ERI2: variants seen among roughly 807,000 people sequenced by gnomAD.
The protein encoded by ERI2 is ERI1 exoribonuclease family member 2.
A neutral mutation model predicts 46.8 loss-of-function variants in ERI2; 35 were observed. The ratio of observed to expected loss-of-function variants is 0.75; its 90% CI spans 0.57 to 0.99. The LOEUF (loss-of-function observed/expected upper bound fraction) is 0.99. Among genes scored for constraint, ERI2 ranks in the 50% least tolerant of loss-of-function variants. The pLI, the probability that ERI2 is intolerant of heterozygous loss-of-function variation, is 0.00. For synonymous variants in ERI2, 224 were observed against 271.0 expected (o/e 0.83, Z 1.70); for missense variants, 695 against 796.2 (o/e 0.87, Z 1.53).
chr16:20,798,184 G>A lies in ERI2; in HGVS notation c.1616C>T (p.Pro539Leu), dbSNP rs1567369848. Residue 539 changes from proline (P) to leucine (L), a missense_variant, in exon 9 of 9, where the codon CCC (proline) becomes CTC (leucine). Pro to Leu is a moderately conservative substitution (Grantham distance 98, BLOSUM62 -3). Coordinates refer to ENST00000357967, the MANE Select transcript of ERI2 (RefSeq NM_001142725.2). ...SGGTKRNPCSPQAFPPAKKQP... is the reference protein window; with the variant it reads ...SGGTKRNPCSLQAFPPAKKQP... ...TTTTTTTGCTGGTGGGAAAGCTTGG[G>A]GACTGCATGGATTCCTTTTGGTACC... 6.4e-7 allele frequency: 1 copy of A among 1,551,522 alleles called. No homozygotes were observed. Among genetic ancestry groups the A allele is most frequent in the East Asian group, 2.4e-5 (1 of 40,912 alleles).
chr16:20,801,468 C>T (rs905692173), intron 4 of ERI2, 109 bp from the exon 5 acceptor site: 4 of 1,235,404 alleles, frequency 3.2e-6, no homozygotes, highest in Non-Finnish European at 3.3e-6. Flanking sequence ...TCAGAAATGC[C>T]AAGTCATGAA....
downstream of ERI2, chr16:20,796,179 C>G: frequency 1.0e-6 from 1 of 960,034 alleles, no homozygotes; most frequent in African/African-American, 1.7e-5. Context: ...TACAGGGGTC[C>G]CAGAAGCTCT....
chr16:20,789,628 G>C, intron 9 of ERI2: 5 of 1,055,076 alleles, frequency 4.7e-6, no homozygotes, highest in Non-Finnish European at 7.3e-6. Context: ...AAGACCTATT[G>C]CTAAATGATA....
At chr16:20,802,661 CATCAGCCTGCAAAGTGCT>C in intron 4 of ERI2, 117 bp downstream of exon 4, 1 of 1,025,246 alleles carries the variant, frequency 9.8e-7, no homozygotes. Flanking sequence ...AATTCTCGAA[CATCAGCCTGCAAAGTGCT>C]GGGATTACAG....
chr16:20,789,820 C>T (rs1401833563), intron 9 of ERI2, among the ~76,000 whole-genome samples: 1 of 151,378 alleles, frequency 6.6e-6, no homozygotes, highest in Non-Finnish European at 1.5e-5. Context: ...ATTACAGGTG[C>T]CCACCACCAT....
At chr16:20,795,006 TACA>T (rs1201211167), downstream of ERI2, among the ~76,000 whole-genome samples, 2 of 152,228 alleles carry the variant, frequency 1.3e-5, no homozygotes, top group Non-Finnish European at 2.9e-5. Context: ...ATGACTCACT[TACA>T]ACAAGCATAA....
intron 9 of ERI2, chr16:20,789,677 T>A: frequency 5.0e-6 from 3 of 605,174 alleles, no homozygotes; most frequent in South Asian, 2.1e-5. Flanking sequence ...AAAGCAACTC[T>A]ATTTTTCTTT....
downstream of ERI2, chr16:20,792,742 C>T: frequency 1.0e-6 from 1 of 984,874 alleles, no homozygotes; most frequent in Non-Finnish European, 1.2e-6. Context: ...CATCAGATGT[C>T]AGAAGTGGGA....
intron 3 of ERI2, 137 bp from the exon 4 acceptor site, chr16:20,803,060 G>T: frequency 1.1e-6 from 1 of 877,298 alleles, no homozygotes; most frequent in Non-Finnish European, 1.6e-6. Flanking sequence ...GACCAAAGCA[G>T]TGTGACATAA....
Position 20,798,863 on chromosome 16 carries a change from C to G in ERI2, c.937G>C (p.Val313Leu). 6.4e-7 allele frequency: 1 copy of G among 1,550,580 alleles called. No homozygotes were observed. Residue 313 changes from valine to leucine, a missense_variant, in exon 9 of 9, where the codon GTA becomes CTA. Val to Leu is a conservative substitution (Grantham distance 32). Transcript: ENST00000357967. The part of the protein sequence containing the change: ...PIKAQQDQLQ[V>L]KNNIKASLHN... ...AGACTTGCTTTTATATTGTTTTTTA[C>G]TTGTAATTGATCCTGTTGTGCCTTT...
At chr16:20,782,777 C>T (rs2080381190) in intron 10 of ERI2, among the ~76,000 whole-genome samples, 1 of 152,162 alleles carries the variant, frequency 6.6e-6, no homozygotes, top group South Asian at 2.1e-4. Flanking sequence ...TATGATGGCT[C>T]ACAGAGTGCA....
Position 20,798,664 on chromosome 16 carries a change from A to G in ERI2, c.1136T>C (p.Leu379Pro). The change falls in exon 9 of 9, where the codon CTT becomes CCT. Residue 379 changes from leucine (L) to proline (P), a missense_variant. Transcript: ENST00000357967. ...KASTVGSELVLVSTTVPTVHH... is the reference protein window; with the variant it reads ...KASTVGSELVPVSTTVPTVHH... ...AACAGTTGGAACGGTGGTAGAAACA[A>G]GTACCAATTCTGAACCAACTGTTGA... 1 of 1,551,722 alleles carries G rather than the reference A, an allele frequency of 6.4e-7. No individual in the cohort carries two copies. Among genetic ancestry groups the G allele is most frequent in the Non-Finnish European group, 8.7e-7 (1 of 1,146,952 alleles).
Position 20,799,368 on chromosome 16 carries a change from C to G in ERI2, c.644-17G>C. The G allele has an allele frequency of 1.2e-6, 2 of 1,610,540 alleles. No homozygotes were observed. Among genetic ancestry groups the G allele is most frequent in the Non-Finnish European group, 1.7e-6 (2 of 1,177,904 alleles). ...CGTCCAACCCTGAGGATACAGATATCAAACACTGAATTTAGTGGTACTAGT... is the reference window on the plus strand; with the variant it reads ...CGTCCAACCCTGAGGATACAGATATGAAACACTGAATTTAGTGGTACTAGT... On this transcript the variant is annotated splice_polypyrimidine_tract_variant and intron_variant, in intron 7 of 8. Transcript: ENST00000357967.
chr16:20,780,624 G>T (rs2080330909), exon 11 of ERI2: 1 of 1,612,566 alleles, frequency 6.2e-7, no homozygotes, highest in Admixed American at 1.7e-5. Flanking sequence ...ACATGAAGAG[G>T]TTCAAGTGGA....
At chr16:20,801,501 C>T in intron 4 of ERI2, 142 bp from the exon 5 acceptor site, 1 of 857,170 alleles carries the variant, frequency 1.2e-6, no homozygotes, top group Non-Finnish European at 1.6e-6. Flanking sequence ...TGTGGGAAGA[C>T]ATAACAAAGT....
chr16:20,803,476 C>A lies in ERI2; in HGVS notation c.132G>T (p.Ser44=). The change falls in exon 3 of 9, where the codon TCG becomes TCT. Residue 44 remains serine, a synonymous_variant. Transcript: ENST00000357967. ...GGTGCTTCCCATCATTCCAGCATGT[C>A]GATTCAAAATCAATGACAATTAAGT... ...FDYLIVIDFE[S]TCWNDGKHHH... The A allele has an allele frequency of 6.2e-7, 1 of 1,613,922 alleles. No homozygotes were observed. Among genetic ancestry groups the A allele is most frequent in the Non-Finnish European group, 8.5e-7 (1 of 1,179,888 alleles).
chr16:20,796,268 C>G, downstream of ERI2: 1 of 1,508,000 alleles, frequency 6.6e-7, no homozygotes, highest in Non-Finnish European at 8.8e-7. Flanking sequence ...ACACACTGGC[C>G]CACCCCACCA....
rs752533115 is a variant in ERI2 at position 20,799,042 on chromosome 16, A to G, written c.758T>C (p.Ile253Thr). The G allele has an allele frequency of 4.0e-6, 6 of 1,515,054 alleles. No homozygotes were observed. Among genetic ancestry groups the G allele is most frequent in the Admixed American group, 2.4e-5 (1 of 41,760 alleles). 93.9% of individuals were successfully genotyped at this position (1,515,054 alleles called of 1,614,324 possible). ...NKVPTKKNFS[I>T]LARNLNTIQV... ...AATTGTATTCAAATTTCTGGCCAGA[A>G]TGCTGAAATTCTTCTTAGTGGGAAC... is the stretch of plus-strand genomic sequence containing the variant. Residue 253 changes from isoleucine (I) to threonine (T), a missense_variant, in exon 9 of 9, where the codon ATT (isoleucine) becomes ACT (threonine). By Grantham distance (89) the Ile-to-Thr change is moderately conservative. Transcript: ENST00000357967.
chr16:20,793,464 G>A (rs145946729), downstream of ERI2, among the ~76,000 whole-genome samples: 1,180 of 150,954 alleles, frequency 7.8e-3, 15 homozygotes, highest in African/African-American at 0.027. Context: ...ACAAGACTCC[G>A]CCTCAAAAAA....
Sources: gnomAD v4.1 joint callset for allele counts (sites outside exome capture counted in the v4.1 genomes callset) on GRCh38, gnomAD v4.1.1 for gene constraint, MANE v1.5 for transcripts, NCBI Gene and HGNC (gene_info 2026-07-23, HGNC 2026-07-21) for gene names.